The following METTL15 variants were observed in gnomAD, a reference collection of about 807,000 sequenced individuals.
METTL15 encodes the protein methyltransferase 15, mitochondrial 12S rRNA N4-cytidine, also known as 12S rRNA N(4)-cytidine methyltransferase METTL15.
METTL15 carries 34 observed loss-of-function variants against 38.3 expected under a neutral mutation model. The observed-to-expected ratio is 0.89, with a 90% confidence interval of 0.68 to 1.18. The LOEUF is 1.18. METTL15 is among the 50% of genes most tolerant of loss of function. The pLI, the probability that METTL15 is intolerant of heterozygous loss-of-function variation, is 0.00. For missense variants in METTL15, 438 were observed against 498.4 expected, an observed-to-expected ratio of 0.88 and a Z score of 1.15; for synonymous variants, 162 against 170.9, an observed-to-expected ratio of 0.95 and a Z score of 0.41.
In METTL15 at chr11:28,302,125, C is replaced by T. The variant is rs192028180; in HGVS notation, c.778+5194C>T. On this transcript the variant is annotated intron_variant, in intron 6 of 6. Coordinates refer to ENST00000407364, the MANE Select transcript of METTL15 (RefSeq NM_001113528.2). Reference sequence around the variant, plus strand: ...ATAAGGTCTCACTATATTGACCGTGCTTGTCTCGAACTCTTGGCTTCAAGC... The same window carrying T: ...ATAAGGTCTCACTATATTGACCGTGTTTGTCTCGAACTCTTGGCTTCAAGC... Among the ~76,000 whole-genome samples the T allele has an allele frequency of 1.2e-4, 19 of 152,066 alleles. No individual in the cohort carries two copies. In the East Asian group the frequency reaches 3.5e-3, roughly 28 times the overall value.
intron 3 of METTL15, among the ~76,000 whole-genome samples, chr11:28,196,576 A>G (rs1320668719): frequency 4.6e-5 from 7 of 151,984 alleles, no homozygotes; most frequent in African/African-American, 1.7e-4. Context: ...GAATTCATTT[A>G]TCAAATCTAG....
At chr11:28,329,413 A>G (rs1002972042) in intron 6 of METTL15, among the ~76,000 whole-genome samples, 1 of 151,716 alleles carries the variant, frequency 6.6e-6, no homozygotes, top group Non-Finnish European at 1.5e-5. Context: ...TTTTTCTTTC[A>G]AGATTATTTG....
intron 4 of METTL15, among the ~76,000 whole-genome samples, chr11:28,220,966 G>A (rs528372368): frequency 2.6e-5 from 4 of 152,030 alleles, no homozygotes; most frequent in Non-Finnish European, 4.4e-5. Context: ...GTGGGTAACC[G>A]GACCTTTCTC....
intron 6 of METTL15, among the ~76,000 whole-genome samples, chr11:28,458,113 C>T (rs940715189): frequency 1.3e-5 from 2 of 152,164 alleles, no homozygotes; most frequent in African/African-American, 4.8e-5. Flanking sequence ...AGAAAAACCT[C>T]TCCAGTCTGA....
chr11:28,529,208 G>T (rs749715874), downstream of METTL15, among the ~76,000 whole-genome samples: 2 of 152,090 alleles, frequency 1.3e-5, no homozygotes, highest in African/African-American at 2.4e-5. Flanking sequence ...TTGCTTTTGT[G>T]AGAAGTCAGA....
chr11:28,336,424 T>C (rs532521194), downstream of METTL15, among the ~76,000 whole-genome samples: 135 of 152,260 alleles, frequency 8.9e-4, no homozygotes, highest in Middle Eastern at 0.014. Context: ...TTGTGAGATA[T>C]TAGATGGAAG....
chr11:28,526,283 C>T (rs946048691), intron 6 of METTL15, among the ~76,000 whole-genome samples: 3 of 152,340 alleles, frequency 2.0e-5, no homozygotes, highest in African/African-American at 4.8e-5. Flanking sequence ...GAGCTGACGC[C>T]GAGGCCGAGG....
downstream of METTL15, chr11:28,333,532 A>C (rs1317547987): frequency 6.6e-6 from 1 of 152,140 alleles, no homozygotes; most frequent in African/African-American, 2.4e-5. Flanking sequence ...TCTATGAATC[A>C]TTTTAACATA....
chr11:28,400,860 A>G (rs974468748), intron 5 of METTL15, among the ~76,000 whole-genome samples: 18 of 152,000 alleles, frequency 1.2e-4, no homozygotes, highest in Non-Finnish European at 2.5e-4. Flanking sequence ...ACCAGCCTCA[A>G]TCACCATTGA....
At chr11:28,516,542 T>C (rs1162452308) in intron 6 of METTL15, among the ~76,000 whole-genome samples, 1 of 152,252 alleles carries the variant, frequency 6.6e-6, no homozygotes, top group African/African-American at 2.4e-5. Context: ...ACTACTCTTT[T>C]TTTATTTGAT....
chr11:28,135,982 T>C (rs1320609051), intron 3 of METTL15, among the ~76,000 whole-genome samples: 1 of 152,194 alleles, frequency 6.6e-6, no homozygotes, highest in African/African-American at 2.4e-5. Context: ...GTCCTGTATG[T>C]TTCTCTCTAT....
intron 3 of METTL15, among the ~76,000 whole-genome samples, chr11:28,173,617 A>G (rs1309580498): frequency 6.6e-6 from 1 of 152,212 alleles, no homozygotes; most frequent in African/African-American, 2.4e-5. Flanking sequence ...ATAATTATTG[A>G]ACTAATACTG....
chr11:28,188,017 C>G (rs959475614), intron 3 of METTL15, among the ~76,000 whole-genome samples: 1 of 151,274 alleles, frequency 6.6e-6, no homozygotes, highest in Admixed American at 6.6e-5. Flanking sequence ...TAGCCATGTA[C>G]TCTTAGAGGT....
At chr11:28,394,274 C>G (rs562439029) in intron 5 of METTL15, among the ~76,000 whole-genome samples, 6 of 152,020 alleles carry the variant, frequency 3.9e-5, no homozygotes, top group South Asian at 2.1e-4. Flanking sequence ...AGATGGTTAA[C>G]AAAGAAAAAT....
rs147205212 is a variant in METTL15, at chr11:28,467,070, C to T, written c.*424+42706C>T. ...TGGCATGCTGCCTTTCGGGATCTCCCTACATATCGTTTTAAATGATCATTA... is the reference window on the plus strand; with the variant it reads ...TGGCATGCTGCCTTTCGGGATCTCCTTACATATCGTTTTAAATGATCATTA... On this transcript the variant is annotated intron_variant and NMD_transcript_variant, in intron 6 of 7. Transcript: ENST00000532947. Among the ~76,000 whole-genome samples, 105 of 152,266 alleles carry T rather than the reference C, an allele frequency of 6.9e-4. 1 individual carries two copies. The East Asian group carries it at 0.018, about 26-fold the overall frequency.
chr11:28,394,714 T>C (rs1187886672), intron 5 of METTL15, among the ~76,000 whole-genome samples: 1 of 152,088 alleles, frequency 6.6e-6, no homozygotes, highest in African/African-American at 2.4e-5. Flanking sequence ...TTAAAGACAT[T>C]ATTGCTGCTG....
intron 3 of METTL15, among the ~76,000 whole-genome samples, chr11:28,114,132 C>T (rs1411135691): frequency 6.6e-6 from 1 of 152,162 alleles, no homozygotes; most frequent in East Asian, 1.9e-4. Context: ...TATTCACTCG[C>T]CATTGACATC....
chr11:28,203,266 G>A (rs1432872540), intron 3 of METTL15, among the ~76,000 whole-genome samples: 1 of 152,028 alleles, frequency 6.6e-6, no homozygotes, highest in Non-Finnish European at 1.5e-5. Flanking sequence ...TAACCTGTCA[G>A]TAAGTCAGTC....
At chr11:28,237,448 T>A (rs2133896048) in intron 4 of METTL15, among the ~76,000 whole-genome samples, 1 of 152,334 alleles carries the variant, frequency 6.6e-6, no homozygotes, top group Middle Eastern at 3.4e-3. Flanking sequence ...GGCTTTCAGC[T>A]CCATCAGCTC....
Sources: gnomAD v4.1 joint callset for allele counts (sites outside exome capture counted in the v4.1 genomes callset) on GRCh38, gnomAD v4.1.1 for gene constraint, MANE v1.5 for transcripts, NCBI Gene and HGNC (gene_info 2026-07-23, HGNC 2026-07-21) for gene names.